The following C1QTNF3 variants were observed in gnomAD, a reference collection of about 807,000 sequenced individuals.
C1QTNF3 encodes the protein complement C1q tumor necrosis factor-related protein 3.
A neutral mutation model predicts 32.6 loss-of-function variants in C1QTNF3; 26 were observed. The observed-to-expected ratio is 0.80, with a 90% confidence interval of 0.58 to 1.11. C1QTNF3 has a LOEUF of 1.11. C1QTNF3 is among the 50% of genes least tolerant of loss of function. The probability of loss-of-function intolerance (pLI) is 0.00; values close to 1 mark genes in which losing one functional copy is unlikely to be tolerated. For missense variants in C1QTNF3, 362 were observed against 398.2 expected (o/e 0.91, Z 0.77); for synonymous variants, 155 against 146.0 (o/e 1.06, Z -0.44).
At chr5:34,049,329 C>T in the C1QTNF3 span, among the ~76,000 whole-genome samples, 14 of 152,178 alleles carry the variant, frequency 9.2e-5, no homozygotes, top group Admixed American at 3.3e-4. Flanking sequence ...CCAGATAACA[C>T]CAACCTCTTC....
chr5:34,119,893 C>A, the C1QTNF3 span, among the ~76,000 whole-genome samples: 3 of 152,168 alleles, frequency 2.0e-5, no homozygotes, highest in Admixed American at 6.5e-5. Context: ...CATCTGAACC[C>A]TTAACTCCCT....
At chr5:34,213,809 A>ATATATATATATATT in the C1QTNF3 span, among the ~76,000 whole-genome samples, 4 of 4,936 alleles carry the variant, frequency 8.1e-4, no homozygotes, top group East Asian at 0.019. Context: ...ATATATATAT[A>ATATATATATATATT]TTTTTTTTTT....
chr5:34,171,334 T>C, the C1QTNF3 span, among the ~76,000 whole-genome samples: 3 of 151,388 alleles, frequency 2.0e-5, no homozygotes, highest in Non-Finnish European at 2.9e-5. Flanking sequence ...AAAATTAACG[T>C]TGTGAATATA....
chr5:34,099,251 C>T, the C1QTNF3 span, among the ~76,000 whole-genome samples: 2,935 of 152,170 alleles, frequency 0.019, 46 homozygotes, highest in Non-Finnish European at 0.031. Context: ...ATTTTTTAAA[C>T]GGCATGTTAA....
the C1QTNF3 span, among the ~76,000 whole-genome samples, chr5:34,062,039 C>G: frequency 3.3e-5 from 5 of 152,202 alleles, no homozygotes; most frequent in African/African-American, 1.2e-4. Context: ...CTATTGAATG[C>G]TTTGCTGTTT....
chr5:34,158,998 C>T, the C1QTNF3 span, among the ~76,000 whole-genome samples: 1 of 151,914 alleles, frequency 6.6e-6, no homozygotes, highest in African/African-American at 2.4e-5. Context: ...GTATGTAACA[C>T]ATACATAGTG....
At chr5:34,089,778 T>C in the C1QTNF3 span, among the ~76,000 whole-genome samples, 1 of 152,228 alleles carries the variant, frequency 6.6e-6, no homozygotes, top group Non-Finnish European at 1.5e-5. Flanking sequence ...AGAAGTGATA[T>C]TATGGCTGGG....
the C1QTNF3 span, among the ~76,000 whole-genome samples, chr5:34,121,181 A>AT: frequency 6.6e-6 from 1 of 152,218 alleles, no homozygotes; most frequent in African/African-American, 2.4e-5. Flanking sequence ...GAGATTAATT[A>AT]AACATTTCAC....
intron 5 of C1QTNF3, among the ~76,000 whole-genome samples, chr5:34,021,430 T>C (rs1408773869): frequency 6.6e-6 from 1 of 152,238 alleles, no homozygotes; most frequent in African/African-American, 2.4e-5. Context: ...AAAGATGAGT[T>C]AGGCAAAAAC....
chr5:34,153,994 A>C, the C1QTNF3 span, among the ~76,000 whole-genome samples: 1 of 151,606 alleles, frequency 6.6e-6, no homozygotes, highest in Non-Finnish European at 1.5e-5. Context: ...TAGATTAATC[A>C]CATAATTTTT....
chr5:34,081,170 C>T, the C1QTNF3 span, among the ~76,000 whole-genome samples: 2 of 151,658 alleles, frequency 1.3e-5, no homozygotes, highest in African/African-American at 2.4e-5. Context: ...TACTTATATA[C>T]AGTAGGCGCA....
the C1QTNF3 span, among the ~76,000 whole-genome samples, chr5:34,177,882 C>A: frequency 2.0e-5 from 3 of 151,704 alleles, no homozygotes; most frequent in South Asian, 2.1e-4. Flanking sequence ...TTCGGTCTCC[C>A]AAAGGGCTAG....
At chr5:34,216,567 C>G in the C1QTNF3 span, among the ~76,000 whole-genome samples, 1 of 152,164 alleles carries the variant, frequency 6.6e-6, no homozygotes, top group African/African-American at 2.4e-5. Context: ...AATAAAGCCA[C>G]ATGGTATCCA....
chr5:34,037,879 T>C (rs1754779723), intron 1 of C1QTNF3, among the ~76,000 whole-genome samples: 1 of 152,230 alleles, frequency 6.6e-6, no homozygotes, highest in African/African-American at 2.4e-5. Context: ...TATTTCCTGT[T>C]ATGGTTTTGC....
chr5:34,123,407 T>C, the C1QTNF3 span, among the ~76,000 whole-genome samples: 1 of 152,088 alleles, frequency 6.6e-6, no homozygotes, highest in Non-Finnish European at 1.5e-5. Flanking sequence ...TAATATCAGA[T>C]TTTCAGCAAA....
chr5:34,051,915 T>C, the C1QTNF3 span, among the ~76,000 whole-genome samples: 2 of 152,230 alleles, frequency 1.3e-5, no homozygotes, highest in African/African-American at 4.8e-5. Context: ...AGTGGAGCTA[T>C]GATGGCAGAG....
the C1QTNF3 span, among the ~76,000 whole-genome samples, chr5:34,092,815 T>C: frequency 1.3e-5 from 2 of 151,954 alleles, no homozygotes; most frequent in African/African-American, 4.8e-5. Flanking sequence ...GTCACACTTT[T>C]CTCTCTTGAT....
the C1QTNF3 span, among the ~76,000 whole-genome samples, chr5:34,223,954 C>A: frequency 6.6e-6 from 1 of 152,054 alleles, no homozygotes; most frequent in Non-Finnish European, 1.5e-5. Flanking sequence ...TCAGCAAAGT[C>A]CCAGGTTACA....
At chr5:34,107,664 T>C in the C1QTNF3 span, among the ~76,000 whole-genome samples, 1 of 151,726 alleles carries the variant, frequency 6.6e-6, no homozygotes, top group Non-Finnish European at 1.5e-5. Flanking sequence ...TAAAACAGCA[T>C]AAAAAGAGAG....
Sources: allele counts gnomAD v4.1 joint callset (sites outside exome capture counted in the v4.1 genomes callset), GRCh38; gene constraint gnomAD v4.1.1; transcripts MANE v1.5; gene names NCBI Gene and HGNC (gene_info 2026-07-23, HGNC 2026-07-21).